Variants in NLRC4 observed in about 807,000 individuals in gnomAD.
NLRC4 encodes the protein NLR family CARD domain containing 4, also known as NLR family CARD domain-containing protein 4.
Under a neutral mutation model 79.9 loss-of-function variants are expected in NLRC4, and 63 were observed. The ratio of observed to expected loss-of-function variants is 0.79; its 90% CI spans 0.64 to 0.97. The LOEUF (loss-of-function observed/expected upper bound fraction) is 0.97. Among genes scored for constraint, NLRC4 ranks in the 50% least tolerant of loss-of-function variants. The probability of loss-of-function intolerance (pLI) is 0.00; values close to 1 mark genes in which losing one functional copy is unlikely to be tolerated. For missense variants in NLRC4, 1,074 were observed against 1,215.2 expected, an observed-to-expected ratio of 0.88 and a Z score of 1.73; for synonymous variants, 461 against 456.5, an observed-to-expected ratio of 1.01 and a Z score of -0.12.
upstream of NLRC4, chr2:32,264,999 G>A (rs891485182): frequency 3.3e-5 from 5 of 151,928 alleles, no homozygotes; most frequent in African/African-American, 1.2e-4. Context: ...GAGTAGCCGG[G>A]GAAGAAGTAG....
At chr2:32,237,255 CTAT>C (rs983694164) in intron 6 of NLRC4, among the ~76,000 whole-genome samples, 3 of 151,996 alleles carry the variant, frequency 2.0e-5, no homozygotes, top group African/African-American at 7.2e-5. Flanking sequence ...ATAATATTGG[CTAT>C]TATTATTTTT....
intron 4 of NLRC4, 114 bp from the exon 5 acceptor site, chr2:32,241,239 C>T: frequency 1.5e-6 from 1 of 679,600 alleles, no homozygotes; most frequent in Non-Finnish European, 2.6e-6. Flanking sequence ...TCATCATGAG[C>T]CAAAAATGCT....
intron 8 of NLRC4, among the ~76,000 whole-genome samples, chr2:32,228,034 T>C (rs758105609): frequency 1.3e-5 from 2 of 152,180 alleles, no homozygotes; most frequent in Non-Finnish European, 2.9e-5. Flanking sequence ...TTCTCACTGT[T>C]TATTCATTCA....
At chr2:32,236,994 G>A (rs920816131) in intron 6 of NLRC4, among the ~76,000 whole-genome samples, 1 of 152,034 alleles carries the variant, frequency 6.6e-6, no homozygotes, top group Non-Finnish European at 1.5e-5. Flanking sequence ...TTTAAAGCAA[G>A]ACCCAGTTTT....
At chr2:32,230,567 GTTCAAGAGAGTCTCCTGCC>G (rs1166584207) in intron 8 of NLRC4, among the ~76,000 whole-genome samples, 1 of 151,344 alleles carries the variant, frequency 6.6e-6, no homozygotes, top group African/African-American at 2.4e-5. Context: ...CACCTTCTCG[GTTCAAGAGAGTCTCCTGCC>G]TCAGCCTCCC....
Position 32,251,540 on chromosome 2 carries a change from C to G in NLRC4, c.324G>C (p.Leu108Phe), listed in dbSNP as rs959814483. ...AGTTCAGAAAAGATGGGGTATGGTACAAGTCCTTTAAATCCTGAGCCAAAT... is the reference window on the plus strand; with the variant it reads ...AGTTCAGAAAAGATGGGGTATGGTAGAAGTCCTTTAAATCCTGAGCCAAAT... ...LDDLAQDLKD[L>F]YHTPSFLNFY... Residue 108 changes from leucine (L) to phenylalanine (F), a missense_variant, in exon 4 of 9, where the codon TTG becomes TTC. Transcript: ENST00000402280. 5 of 1,613,382 alleles carry G rather than the reference C, an allele frequency of 3.1e-6. No individual in the cohort carries two copies. Among genetic ancestry groups the G allele is most frequent in the African/African-American group, 1.3e-5 (1 of 75,012 alleles).
At chr2:32,237,426 A>G (rs1483445172) in intron 6 of NLRC4, among the ~76,000 whole-genome samples, 1 of 152,150 alleles carries the variant, frequency 6.6e-6, no homozygotes, top group Non-Finnish European at 1.5e-5. Context: ...GCATGTGCTC[A>G]TTGTTCTCAT....
At chr2:32,228,863 A>G (rs1686466173) in intron 8 of NLRC4, among the ~76,000 whole-genome samples, 1 of 151,938 alleles carries the variant, frequency 6.6e-6, no homozygotes. Flanking sequence ...CACTGGCTCA[A>G]GTAAGTGATC....
intron 8 of NLRC4, among the ~76,000 whole-genome samples, chr2:32,235,091 T>A (rs1261220040): frequency 6.6e-6 from 1 of 152,160 alleles, no homozygotes; most frequent in Non-Finnish European, 1.5e-5. Context: ...AAATATTTCC[T>A]GATATTGGAG....
chr2:32,254,214 G>A (rs1687152008), intron 2 of NLRC4, among the ~76,000 whole-genome samples: 1 of 151,972 alleles, frequency 6.6e-6, no homozygotes, highest in African/African-American at 2.4e-5. Context: ...GTACAATGGT[G>A]TCAAGAGCAT....
intron 6 of NLRC4, among the ~76,000 whole-genome samples, chr2:32,237,260 A>G (rs1558449271): frequency 6.6e-6 from 1 of 152,142 alleles, no homozygotes; most frequent in Non-Finnish European, 1.5e-5. Flanking sequence ...ATTGGCTATT[A>G]TTATTTTTAA....
chr2:32,255,808 A>T (rs539820992), intron 2 of NLRC4, among the ~76,000 whole-genome samples: 2 of 152,084 alleles, frequency 1.3e-5, no homozygotes, highest in South Asian at 4.2e-4. Context: ...AGGTCAGGAG[A>T]TCGAGATCAT....
chr2:32,233,142 A>AAGGAAGGGAGGG (rs1317248906), intron 8 of NLRC4, among the ~76,000 whole-genome samples: 22 of 11,990 alleles, frequency 1.8e-3, no homozygotes, highest in African/African-American at 0.01. Flanking sequence ...GGGAGGAAGG[A>AAGGAAGGGAGGG]AGGAAGGAAG....
At chr2:32,260,238 GA>G (rs1209042008) in intron 1 of NLRC4, among the ~76,000 whole-genome samples, 1,770 of 117,884 alleles carry the variant, frequency 0.015, 15 homozygotes, top group East Asian at 0.05. Context: ...AAAAAACAAC[GA>G]AAAAAAAAAA....
chr2:32,248,953 T>G lies in NLRC4; in HGVS notation c.2257+654A>C, dbSNP rs1238589301. 2.0e-5 allele frequency among the ~76,000 whole-genome samples: 3 copies of G among 152,182 alleles called. No homozygotes were observed. The East Asian group carries it at 5.8e-4, about 29-fold the overall frequency. ...GTTCCATCTGCCATAACTACAGCTT[T>G]GATTGGAGAAGAGAGTGATTTCAGT... On this transcript the variant is annotated intron_variant, in intron 4 of 8. Transcript: ENST00000402280.
rs375876677 is a variant in NLRC4 at position 32,262,973 on chromosome 2, C to T, written c.-119+1765G>A. Among the ~76,000 whole-genome samples the T allele has an allele frequency of 5.7e-4, 86 of 151,612 alleles. No individual in the cohort carries two copies. In the Middle Eastern group the frequency reaches 0.017, roughly 30 times the overall value. On this transcript the variant is annotated intron_variant, in intron 1 of 8. Coordinates refer to ENST00000402280, the MANE Select transcript of NLRC4 (RefSeq NM_001199138.2). ...ATAGGCAATCTGCCTGCCTCGGCCT[C>T]CCAAAGTGCTGGGATTACAGGCATA...
At position 32,224,761 on chromosome 2, in the gene NLRC4, T is replaced by G. The variant is rs570340049; in HGVS notation, c.2787A>C (p.Ala929=). The change falls in exon 9 of 9, where the codon GCA becomes GCC. Residue 929 remains alanine (A), a synonymous_variant. Transcript: ENST00000402280. ...TTTTCAGAGGGTTCTTTCCAAAAAA[T>G]GCACCTGGGTAAAGAAATAAGTATA... The part of the protein sequence containing the change: ...LTDTEIRILG[A]FFGKNPLKNF... The G allele has an allele frequency of 6.4e-7, 1 of 1,554,058 alleles. No homozygotes were observed. The highest frequency in any genetic ancestry group is 8.7e-7 in the Non-Finnish European group (1 of 1,152,108).
At chr2:32,257,390 G>C (rs1414613418) in intron 1 of NLRC4, among the ~76,000 whole-genome samples, 5 of 151,998 alleles carry the variant, frequency 3.3e-5, no homozygotes, top group African/African-American at 1.2e-4. Flanking sequence ...GGCGGATCAC[G>C]TGAGGTAAGG....
intron 8 of NLRC4, among the ~76,000 whole-genome samples, chr2:32,229,758 G>A (rs532393995): frequency 4.3e-4 from 65 of 152,164 alleles, no homozygotes; most frequent in Non-Finnish European, 7.5e-4. Context: ...TTGAAAAGAA[G>A]GGAATGCTCA....
Sources: gnomAD v4.1 joint callset for allele counts (sites outside exome capture counted in the v4.1 genomes callset) on GRCh38, gnomAD v4.1.1 for gene constraint, MANE v1.5 for transcripts, NCBI Gene and HGNC (gene_info 2026-07-23, HGNC 2026-07-21) for gene names.